The following PARD3 variants were observed in gnomAD, a reference collection of about 807,000 sequenced individuals.
The protein encoded by PARD3 is partitioning defective 3 homolog.
A neutral mutation model predicts 155.4 loss-of-function variants in PARD3; 75 were observed. The ratio of observed to expected loss-of-function variants is 0.48; its 90% CI spans 0.40 to 0.58. The LOEUF (loss-of-function observed/expected upper bound fraction) is 0.58. Ranked by LOEUF, PARD3 falls within the 20% of genes least tolerant of loss-of-function variation. PARD3 has a pLI of 0.00. For synonymous variants in PARD3, 576 were observed against 610.5 expected, an observed-to-expected ratio of 0.94 and a Z score of 0.83; for missense variants, 1,642 against 1,721.7, an observed-to-expected ratio of 0.95 and a Z score of 0.82.
intron 2 of PARD3, among the ~76,000 whole-genome samples, chr10:34,590,796 A>T (rs952132017): frequency 6.6e-6 from 1 of 152,218 alleles, no homozygotes; most frequent in Non-Finnish European, 1.5e-5. Context: ...CTTCTATGGA[A>T]ATCCTGATTC....
chr10:34,695,607 G>A (rs989066791), intron 2 of PARD3, among the ~76,000 whole-genome samples: 1 of 151,864 alleles, frequency 6.6e-6, no homozygotes, highest in African/African-American at 2.4e-5. Flanking sequence ...CAAGAGTACA[G>A]AAAAAAAGTG....
intron 21 of PARD3, among the ~76,000 whole-genome samples, chr10:34,279,777 CAGAT>C (rs1239047070): frequency 6.6e-6 from 1 of 151,982 alleles, no homozygotes; most frequent in African/African-American, 2.4e-5. Context: ...CTGAAGGACA[CAGAT>C]AGTTCAACGG....
intron 23 of PARD3, among the ~76,000 whole-genome samples, chr10:34,121,794 C>G (rs947951422): frequency 9.9e-5 from 15 of 152,176 alleles, no homozygotes; most frequent in Admixed American, 6.5e-4. Context: ...TTACAATACC[C>G]CAGTCTCTAC....
intron 2 of PARD3, among the ~76,000 whole-genome samples, chr10:34,654,086 C>A (rs1273628136): frequency 1.3e-5 from 2 of 151,586 alleles, no homozygotes; most frequent in African/African-American, 4.9e-5. Flanking sequence ...ATTAAACTGA[C>A]AACCTTTATA....
chr10:34,431,897 C>T (rs2075934536), intron 5 of PARD3, among the ~76,000 whole-genome samples: 1 of 150,478 alleles, frequency 6.6e-6, no homozygotes, highest in East Asian at 2.0e-4. Flanking sequence ...AAAAAATTAG[C>T]TGGGCGTGGT....
At chr10:34,363,791 G>A (rs978346519) in intron 12 of PARD3, among the ~76,000 whole-genome samples, 11 of 152,132 alleles carry the variant, frequency 7.2e-5, no homozygotes, top group Admixed American at 6.5e-4. Flanking sequence ...CCTGCCTCAC[G>A]CACATACATG....
At chr10:34,753,055 C>A (rs1423532799) in intron 1 of PARD3, among the ~76,000 whole-genome samples, 2 of 152,228 alleles carry the variant, frequency 1.3e-5, no homozygotes, top group African/African-American at 4.8e-5. Context: ...CTCCTTAATG[C>A]ACTTCAGTCA....
intron 22 of PARD3, among the ~76,000 whole-genome samples, chr10:34,194,328 C>T (rs1192055783): frequency 2.0e-5 from 3 of 152,150 alleles, no homozygotes; most frequent in Non-Finnish European, 4.4e-5. Flanking sequence ...TAACAGGAGG[C>T]ACACCCACCA....
At chr10:34,452,421 A>G (rs914245329) in intron 4 of PARD3, among the ~76,000 whole-genome samples, 7 of 152,226 alleles carry the variant, frequency 4.6e-5, no homozygotes, top group African/African-American at 1.7e-4. Context: ...GGCAAAGATA[A>G]TCATACTAAA....
intron 5 of PARD3, among the ~76,000 whole-genome samples, chr10:34,413,920 A>T (rs1342846664): frequency 6.6e-6 from 1 of 152,212 alleles, no homozygotes; most frequent in African/African-American, 2.4e-5. Context: ...AGTTGAGTTA[A>T]ATAATTGACA....
intron 1 of PARD3, among the ~76,000 whole-genome samples, chr10:34,754,991 T>C (rs1836525284): frequency 6.6e-6 from 1 of 152,182 alleles, no homozygotes; most frequent in Non-Finnish European, 1.5e-5. Context: ...TATGAGCAAA[T>C]GGAAAGTTTT....
At chr10:34,371,704 A>G (rs544311606) in intron 12 of PARD3, among the ~76,000 whole-genome samples, 26 of 152,132 alleles carry the variant, frequency 1.7e-4, no homozygotes, top group African/African-American at 6.0e-4. Flanking sequence ...TATGGAAATG[A>G]CTTTGCTAAA....
chr10:34,706,767 CAATTA>C (rs1161177563), intron 1 of PARD3, among the ~76,000 whole-genome samples: 1 of 151,492 alleles, frequency 6.6e-6, no homozygotes, highest in African/African-American at 2.4e-5. Flanking sequence ...TCCCAAAAAT[CAATTA>C]AATTAATTAA....
At chr10:34,355,848 C>T (rs1838744839) in intron 14 of PARD3, among the ~76,000 whole-genome samples, 1 of 143,106 alleles carries the variant, frequency 7.0e-6, no homozygotes, top group African/African-American at 2.6e-5. Flanking sequence ...TCACTTGAAC[C>T]CGGGAGGCGG....
chr10:34,508,328 T>C (rs969086266), intron 3 of PARD3, among the ~76,000 whole-genome samples: 3 of 152,178 alleles, frequency 2.0e-5, no homozygotes, highest in Non-Finnish European at 2.9e-5. Context: ...ATCAGATACT[T>C]TGTTTCCCCA....
chr10:34,662,472 T>C (rs2093347970), intron 2 of PARD3, among the ~76,000 whole-genome samples: 1 of 152,218 alleles, frequency 6.6e-6, no homozygotes, highest in African/African-American at 2.4e-5. Flanking sequence ...ATTGCAGCAC[T>C]ATTCACAATA....
intron 5 of PARD3, among the ~76,000 whole-genome samples, chr10:34,423,494 C>T (rs566546228): frequency 2.2e-4 from 34 of 152,154 alleles, no homozygotes; most frequent in East Asian, 1.9e-3. Context: ...AAACGAAGTA[C>T]GTGAGGTATT....
At chr10:34,278,760 C>T (rs904785454) in intron 21 of PARD3, among the ~76,000 whole-genome samples, 1 of 152,186 alleles carries the variant, frequency 6.6e-6, no homozygotes, top group Non-Finnish European at 1.5e-5. Flanking sequence ...ATAAATTACC[C>T]AGTCTCGAGT....
rs1215026135 is a variant in PARD3 at position 34,341,662 on chromosome 10, A to G, written c.2373T>C (p.Thr791=). 14 of 1,613,780 alleles carry G rather than the reference A, an allele frequency of 8.7e-6. No homozygotes were observed. The highest frequency in any genetic ancestry group is 1.2e-5 in the Non-Finnish European group (14 of 1,179,876). ...DVGFVTADAG[T]WAKAAISDSA... ...AATCACTGATTGCAGCCTTGGCCCA[A>G]GTACCAGCATCTGCCGTCACAAACC... is the stretch of plus-strand genomic sequence containing the variant. Residue 791 remains threonine, a synonymous_variant, in exon 16 of 25, where the codon ACT becomes ACC. Transcript: ENST00000374788.
Sources: allele counts gnomAD v4.1 joint callset (sites outside exome capture counted in the v4.1 genomes callset), GRCh38; gene constraint gnomAD v4.1.1; transcripts MANE v1.5; gene names NCBI Gene and HGNC (gene_info 2026-07-23, HGNC 2026-07-21).